Variants in HDAC9 observed in about 807,000 individuals in gnomAD.
The protein encoded by HDAC9 is MEF-2 interacting transcription repressor (MITR) protein.
A neutral mutation model predicts 139.4 loss-of-function variants in HDAC9; 41 were observed. That is an observed-to-expected ratio of 0.29 (90% CI 0.23 to 0.38). The LOEUF is 0.38. HDAC9 is among the 10% of genes least tolerant of loss of function. HDAC9 has a pLI of 1.00. For synonymous variants in HDAC9, 517 were observed against 476.2 expected, an observed-to-expected ratio of 1.09 and a Z score of -1.12; for missense variants, 1,147 against 1,297.0, an observed-to-expected ratio of 0.88 and a Z score of 1.78.
In HDAC9 at chr7:18,968,700, C is replaced by T. The variant is rs191242370; in HGVS notation, c.3023-7106C>T. Among the ~76,000 whole-genome samples the T allele has an allele frequency of 1.3e-4, 20 of 152,266 alleles. No individual in the cohort carries two copies. The East Asian group carries it at 3.9e-3, about 30-fold the overall frequency. ...TATCCCTGGACGCAGTGGCTCACGC[C>T]TGTAATCCCAGCACTTTGGGAGGCC... is the stretch of plus-strand genomic sequence containing the variant. On this transcript the variant is annotated intron_variant, in intron 24 of 25. Transcript: ENST00000686413.
chr7:18,583,960 C>G (rs2128794666), intron 2 of HDAC9, among the ~76,000 whole-genome samples: 1 of 152,214 alleles, frequency 6.6e-6, no homozygotes. Flanking sequence ...TTACACTGAA[C>G]TACAGAATTT....
At chr7:18,461,247 C>T (rs570482257) in intron 1 of HDAC9, among the ~76,000 whole-genome samples, 1 of 152,158 alleles carries the variant, frequency 6.6e-6, no homozygotes, top group South Asian at 2.1e-4. Context: ...CCCTTTTTGA[C>T]ATAGATTGAT....
intron 1 of HDAC9, among the ~76,000 whole-genome samples, chr7:18,392,143 G>T (rs1325195492): frequency 6.6e-6 from 1 of 152,054 alleles, no homozygotes; most frequent in Non-Finnish European, 1.5e-5. Flanking sequence ...TGTATTACCT[G>T]AGTGAGTTAC....
chr7:18,723,246 C>T (rs980030046), intron 12 of HDAC9, among the ~76,000 whole-genome samples: 30 of 152,098 alleles, frequency 2.0e-4, no homozygotes, highest in Admixed American at 6.6e-5. Context: ...CCTTATTATG[C>T]ATTCATTTAA....
chr7:18,530,287 C>G (rs902820553), intron 2 of HDAC9, among the ~76,000 whole-genome samples: 3 of 151,986 alleles, frequency 2.0e-5, no homozygotes, highest in Non-Finnish European at 4.4e-5. Context: ...AAGAATGGAA[C>G]AATTATAAAA....
At chr7:18,420,514 C>T (rs1789519092) in intron 1 of HDAC9, among the ~76,000 whole-genome samples, 1 of 152,104 alleles carries the variant, frequency 6.6e-6, no homozygotes, top group South Asian at 2.1e-4. Flanking sequence ...TCAGTTTCTT[C>T]TTGATAAAGA....
At chr7:18,724,790 A>G (rs1378042329) in intron 12 of HDAC9, among the ~76,000 whole-genome samples, 1 of 152,156 alleles carries the variant, frequency 6.6e-6, no homozygotes, top group African/African-American at 2.4e-5. Context: ...GAGAATAAGC[A>G]TAAAAAAGGT....
chr7:18,390,904 C>A (rs766180165), intron 1 of HDAC9, among the ~76,000 whole-genome samples: 5 of 152,148 alleles, frequency 3.3e-5, no homozygotes, highest in African/African-American at 7.2e-5. Context: ...TCCTGGCTAA[C>A]ATGATGAGAT....
intron 21 of HDAC9, among the ~76,000 whole-genome samples, chr7:18,852,846 C>A (rs1057414837): frequency 2.8e-5 from 4 of 144,748 alleles, no homozygotes; most frequent in South Asian, 4.4e-4. Flanking sequence ...AGTAAAGGAG[C>A]TTTTTTTTTT....
intron 1 of HDAC9, among the ~76,000 whole-genome samples, chr7:18,484,276 C>T (rs1045552086): frequency 6.6e-6 from 1 of 150,464 alleles, no homozygotes; most frequent in Non-Finnish European, 1.5e-5. Context: ...GTTGAGTTTG[C>T]AGTGAGCTAT....
At chr7:18,561,694 C>T (rs1453560599) in intron 2 of HDAC9, among the ~76,000 whole-genome samples, 1 of 152,098 alleles carries the variant, frequency 6.6e-6, no homozygotes, top group South Asian at 2.1e-4. Context: ...TGAAACGATA[C>T]CAAATATGTG....
At chr7:18,501,700 G>C (rs1459491223) in intron 2 of HDAC9, among the ~76,000 whole-genome samples, 1 of 152,152 alleles carries the variant, frequency 6.6e-6, no homozygotes, top group Admixed American at 6.5e-5. Context: ...ATGCTGTGCT[G>C]TGTTTGGTGA....
chr7:18,701,408 A>C (rs575165017), intron 12 of HDAC9, among the ~76,000 whole-genome samples: 172 of 101,550 alleles, frequency 1.7e-3, no homozygotes, highest in African/African-American at 9.6e-3. Flanking sequence ...AAAAAAAAAC[A>C]AAACAAACAA....
At position 18,973,521 on chromosome 7, in the gene HDAC9, T is replaced by C. The variant is rs562582384; in HGVS notation, c.3023-2285T>C. On this transcript the variant is annotated intron_variant, in intron 24 of 25. Coordinates refer to ENST00000686413, the MANE Select transcript of HDAC9 (RefSeq NM_178425.4). The stretch of plus-strand genomic sequence containing the variant: ...TAGCGGACACCCATGTCAACAGGTC[T>C]TGTTGACATGGAAAGTGGGTGGTGA... 2.0e-5 allele frequency among the ~76,000 whole-genome samples: 3 copies of C among 152,262 alleles called. No homozygotes were observed. The East Asian group carries it at 5.8e-4, about 29-fold the overall frequency.
intron 2 of HDAC9, among the ~76,000 whole-genome samples, chr7:18,516,608 C>T (rs898391915): frequency 6.6e-6 from 1 of 151,928 alleles, no homozygotes; most frequent in African/African-American, 2.4e-5. Flanking sequence ...GCCTGTAATC[C>T]CAGCACTTTG....
chr7:18,480,099 A>C (rs906781381), intron 1 of HDAC9, among the ~76,000 whole-genome samples: 4 of 149,130 alleles, frequency 2.7e-5, no homozygotes, highest in African/African-American at 9.9e-5. Context: ...TTTTTCTGAG[A>C]TAAAAGTAAA....
chr7:18,352,761 G>A (rs771015895), intron 1 of HDAC9, among the ~76,000 whole-genome samples: 2 of 151,942 alleles, frequency 1.3e-5, no homozygotes, highest in Admixed American at 6.6e-5. Flanking sequence ...GCTGGCTGAT[G>A]TTTGTTTTTT....
intron 1 of HDAC9, among the ~76,000 whole-genome samples, chr7:18,292,929 A>G (rs1249220903): frequency 2.0e-5 from 3 of 152,154 alleles, no homozygotes; most frequent in Admixed American, 1.3e-4. Context: ...GTGTGAATGA[A>G]GAGAGAGGTT....
intron 22 of HDAC9, among the ~76,000 whole-genome samples, chr7:18,897,365 A>G (rs984163887): frequency 6.6e-6 from 1 of 152,006 alleles, no homozygotes; most frequent in Non-Finnish European, 1.5e-5. Context: ...GGAAGAATTT[A>G]TGATTTGTCA....
Sources: gnomAD v4.1 joint callset for allele counts (sites outside exome capture counted in the v4.1 genomes callset) on GRCh38, gnomAD v4.1.1 for gene constraint, MANE v1.5 for transcripts, NCBI Gene and HGNC (gene_info 2026-07-23, HGNC 2026-07-21) for gene names.